The following PIBF1 variants were observed in gnomAD, a reference collection of about 807,000 sequenced individuals.
PIBF1 encodes the protein progesterone-induced-blocking factor 1.
Under a neutral mutation model 112.5 loss-of-function variants are expected in PIBF1, and 90 were observed. That is an observed-to-expected ratio of 0.80 (90% CI 0.67 to 0.95). The LOEUF (loss-of-function observed/expected upper bound fraction) is 0.95. PIBF1 is among the 40% of genes least tolerant of loss of function. PIBF1 has a pLI of 0.00. For missense variants in PIBF1, 915 were observed against 852.3 expected (o/e 1.07, Z -0.92); for synonymous variants, 301 against 288.6 (o/e 1.04, Z -0.44).
intron 16 of PIBF1, among the ~76,000 whole-genome samples, chr13:72,987,398 T>G (rs1241536916): frequency 6.6e-6 from 1 of 152,062 alleles, no homozygotes; most frequent in African/African-American, 2.4e-5. Flanking sequence ...GTCTTCATTT[T>G]TAAAGCCTGG....
chr13:73,004,441 A>G (rs1341088802), intron 17 of PIBF1, among the ~76,000 whole-genome samples: 1 of 151,180 alleles, frequency 6.6e-6, no homozygotes, highest in Non-Finnish European at 1.5e-5. Flanking sequence ...CATTGAGCCG[A>G]GATTGTGCCA....
At chr13:72,860,362 G>C (rs1056854630) in intron 10 of PIBF1, among the ~76,000 whole-genome samples, 1 of 151,188 alleles carries the variant, frequency 6.6e-6, no homozygotes, top group Admixed American at 6.6e-5. Context: ...TGACAGTAGA[G>C]AGACAGAGAA....
chr13:72,911,798 T>A (rs2040903078), intron 12 of PIBF1, among the ~76,000 whole-genome samples: 1 of 152,078 alleles, frequency 6.6e-6, no homozygotes, highest in Admixed American at 6.6e-5. Context: ...AAGAAAATGA[T>A]ACCCAAATGT....
chr13:72,927,945 G>GTGTATA (rs1555316839), intron 13 of PIBF1, among the ~76,000 whole-genome samples: 18 of 87,870 alleles, frequency 2.0e-4, no homozygotes, highest in African/African-American at 1.0e-3. Flanking sequence ...ATATATGTGT[G>GTGTATA]TATATATATA....
At chr13:72,881,324 A>G (rs926617559) in intron 10 of PIBF1, 1 of 152,250 alleles carries the variant, frequency 6.6e-6, no homozygotes, top group African/African-American at 2.4e-5. Context: ...TACCAAAATC[A>G]GTAGCACTTC....
At chr13:72,952,035 C>CTTTTTTTTTTTTTTT (rs67211238) in intron 14 of PIBF1, among the ~76,000 whole-genome samples, 10 of 122,968 alleles carry the variant, frequency 8.1e-5, no homozygotes, top group Non-Finnish European at 1.5e-4. Context: ...TTTCTTTTCT[C>CTTTTTTTTTTTTTTT]TTTTTTTTTT....
At chr13:73,001,934 A>G (rs1278475386) in intron 17 of PIBF1, among the ~76,000 whole-genome samples, 1 of 151,876 alleles carries the variant, frequency 6.6e-6, no homozygotes, top group Admixed American at 6.6e-5. Flanking sequence ...ACTTTTTTTA[A>G]TGTGCTTTTT....
intron 10 of PIBF1, among the ~76,000 whole-genome samples, chr13:72,885,160 TC>T (rs1479657289): frequency 6.6e-6 from 1 of 152,178 alleles, no homozygotes; most frequent in Non-Finnish European, 1.5e-5. Context: ...TGTTGTCATG[TC>T]TCCTTCTACC....
chr13:72,966,173 CAAT>C (rs1489213641), intron 15 of PIBF1, among the ~76,000 whole-genome samples: 1 of 151,756 alleles, frequency 6.6e-6, no homozygotes, highest in Non-Finnish European at 1.5e-5. Flanking sequence ...AATTGGAAAA[CAAT>C]AAGGAGAAGA....
intron 16 of PIBF1, among the ~76,000 whole-genome samples, chr13:72,981,805 G>A (rs543625158): frequency 6.6e-6 from 1 of 152,236 alleles, no homozygotes. Context: ...TCTACTATAT[G>A]TACATATAAA....
chr13:72,976,405 C>T (rs1292545079), intron 16 of PIBF1, among the ~76,000 whole-genome samples: 3 of 152,058 alleles, frequency 2.0e-5, no homozygotes, highest in African/African-American at 4.8e-5. Flanking sequence ...TGAAACTACT[C>T]ATTAATTGCC....
chr13:72,921,286 A>G (rs2041281405), intron 13 of PIBF1, among the ~76,000 whole-genome samples: 1 of 151,982 alleles, frequency 6.6e-6, no homozygotes, highest in Non-Finnish European at 1.5e-5. Context: ...GTATTTTAGT[A>G]GAGACAGGGT....
At chr13:72,958,415 G>T (rs1238460954) in intron 14 of PIBF1, among the ~76,000 whole-genome samples, 1 of 151,392 alleles carries the variant, frequency 6.6e-6, no homozygotes, top group African/African-American at 2.4e-5. Context: ...TTCCATGCTG[G>T]TTACTCTCAA....
At chr13:73,000,191 G>T (rs2043811070) in intron 17 of PIBF1, among the ~76,000 whole-genome samples, 1 of 152,304 alleles carries the variant, frequency 6.6e-6, no homozygotes, top group Non-Finnish European at 1.5e-5. Context: ...TTCCTCTGTA[G>T]TACATCAGCT....
intron 3 of PIBF1, among the ~76,000 whole-genome samples, chr13:72,793,536 A>G (rs2035040570): frequency 6.6e-6 from 1 of 152,220 alleles, no homozygotes; most frequent in Non-Finnish European, 1.5e-5. Context: ...CTGCTGGTCC[A>G]GAAACAATAC....
At position 72,783,729 on chromosome 13, in the gene PIBF1, C is replaced by G; in HGVS notation, c.252+8C>G. 1 of 1,611,538 alleles carries G rather than the reference C, an allele frequency of 6.2e-7. No homozygotes were observed. The highest frequency in any genetic ancestry group is 8.5e-7 in the Non-Finnish European group (1 of 1,178,114). ...GTGGATTATCTTACAAAGGTAAGATCAGGTTTAAATTTTGTGTTCTATATG... is the reference window on the plus strand; with the variant it reads ...GTGGATTATCTTACAAAGGTAAGATGAGGTTTAAATTTTGTGTTCTATATG... On this transcript the variant is annotated splice_region_variant and intron_variant, in intron 2 of 17. Coordinates refer to ENST00000326291, the MANE Select transcript of PIBF1 (RefSeq NM_006346.4).
rs772652257 is a variant in PIBF1 at position 72,893,873 on chromosome 13, A to C, written c.1412A>C (p.Gln471Pro). The change falls in exon 11 of 18, where the codon CAA (glutamine) becomes CCA (proline). Residue 471 changes from glutamine (Q) to proline (P), a missense_variant. Gln to Pro is a moderately conservative substitution (Grantham distance 76). Transcript: ENST00000326291. ...AAATCTTTTGAAAGTGAGCGTGTTC[A>C]ACTTCTGCAAGAGGAAACAGCAAGA... The part of the protein sequence containing the change: ...KLKSFESERV[Q>P]LLQEETARNL... The C allele has an allele frequency of 8.1e-6, 13 of 1,608,118 alleles. No homozygotes were observed. Among genetic ancestry groups the C allele is most frequent in the Non-Finnish European group, 8.5e-7 (1 of 1,176,914 alleles).
intron 5 of PIBF1, among the ~76,000 whole-genome samples, chr13:72,820,709 C>T (rs9543129): frequency 0.74 from 113,064 of 152,022 alleles, 42,432 homozygotes; most frequent in African/African-American, 0.82. Flanking sequence ...GTGGAGTGAA[C>T]ATGACCTCAT....
chr13:72,792,644 A>G (rs924915817), intron 3 of PIBF1, 97 bp downstream of exon 3: 1 of 617,480 alleles, frequency 1.6e-6, no homozygotes, highest in Non-Finnish European at 2.8e-6. Context: ...GCTAAAATAG[A>G]GAAATTTTAA....
Sources: gnomAD v4.1 joint callset for allele counts (sites outside exome capture counted in the v4.1 genomes callset) on GRCh38, gnomAD v4.1.1 for gene constraint, MANE v1.5 for transcripts, NCBI Gene and HGNC (gene_info 2026-07-23, HGNC 2026-07-21) for gene names.